UGT1A10: variants seen among roughly 807,000 people sequenced by gnomAD.
UGT1A10 encodes UDP-glucuronosyltransferase 1A10.
Under a neutral mutation model 45.8 loss-of-function variants are expected in UGT1A10, and 49 were observed. That is an observed-to-expected ratio of 1.07 (90% confidence interval 0.85 to 1.36). The LOEUF (loss-of-function observed/expected upper bound fraction) is 1.36, where lower values mean the gene tolerates loss of function less well. UGT1A10 is among the 40% of genes most tolerant of loss of function. The pLI is 0.00. For synonymous variants in UGT1A10, 284 were observed against 249.7 expected (o/e 1.14, Z -1.29); for missense variants, 745 against 668.6 (o/e 1.11, Z -1.26).
At chr2:233,748,499 T>C (rs1693956853) in intron 1 of UGT1A10, among the ~76,000 whole-genome samples, 1 of 151,838 alleles carries the variant, frequency 6.6e-6, no homozygotes, top group Admixed American at 6.5e-5. Context: ...GTGATAATTT[T>C]TAGTGGTCCT....
intron 1 of UGT1A10, among the ~76,000 whole-genome samples, chr2:233,759,051 G>A (rs1697047727): frequency 6.6e-6 from 1 of 152,170 alleles, no homozygotes; most frequent in Non-Finnish European, 1.5e-5. Context: ...GTGAACAAAA[G>A]TTCTCTGAAA....
intron 1 of UGT1A10, among the ~76,000 whole-genome samples, chr2:233,725,599 G>GT (rs1258851013): frequency 4.6e-5 from 7 of 152,142 alleles, no homozygotes; most frequent in East Asian, 3.9e-4. Context: ...ATTTGACATA[G>GT]TTTTTTCTTG....
chr2:233,672,598 C>G, intron 1 of UGT1A10: 1 of 1,613,836 alleles, frequency 6.2e-7, no homozygotes, highest in Non-Finnish European at 8.5e-7. Context: ...ATTATGCCAC[C>G]GTTTTTTCAA....
chr2:233,685,218 A>G (rs1199330018), intron 1 of UGT1A10, among the ~76,000 whole-genome samples: 5 of 152,164 alleles, frequency 3.3e-5, no homozygotes, highest in African/African-American at 4.8e-5. Context: ...TTTTTAATAG[A>G]GACGGGGTTT....
At chr2:233,723,288 C>A (rs1349811182) in intron 1 of UGT1A10, among the ~76,000 whole-genome samples, 2 of 115,626 alleles carry the variant, frequency 1.7e-5, no homozygotes, top group Non-Finnish European at 3.4e-5. Flanking sequence ...TGGCTCACTG[C>A]AACCTCTGCC....
Position 233,773,232 on chromosome 2 carries a change from G to A in UGT1A10, c.*673G>A, listed in dbSNP as rs915315951. On this transcript the variant is annotated 3_prime_UTR_variant, in exon 5 of 5. Transcript: ENST00000344644. Reference sequence around the variant, plus strand: ...ACCCAAAATACAGCTATGAAGTGCTGGGCAAGTTTACTTTTTTTCTGATGT... The same window carrying A: ...ACCCAAAATACAGCTATGAAGTGCTAGGCAAGTTTACTTTTTTTCTGATGT... The A allele has an allele frequency of 1.3e-5, 2 of 152,202 alleles. No individual in the cohort carries two copies. Among genetic ancestry groups the A allele is most frequent in the East Asian group, 3.7e-4 (2 of 5,344 alleles). The allele number at this position is 152,202 out of a possible 1,614,324, so 9.4% of individuals were successfully genotyped here. A position where few individuals can be genotyped will look rare whatever the true frequency, so the allele number is the denominator to read the frequency against.
chr2:233,738,397 G>A (rs1161112118), intron 1 of UGT1A10, among the ~76,000 whole-genome samples: 2 of 152,236 alleles, frequency 1.3e-5, no homozygotes, highest in Non-Finnish European at 2.9e-5. Context: ...AAGTGACTTG[G>A]AACTGGGTAA....
chr2:233,647,162 C>T (rs114141026), intron 1 of UGT1A10, among the ~76,000 whole-genome samples: 3,030 of 152,256 alleles, frequency 0.02, 97 homozygotes, highest in African/African-American at 0.069. Flanking sequence ...TCACGGGAAA[C>T]GCCCAGCCCC....
At chr2:233,764,847 C>G (rs1361860386) in intron 1 of UGT1A10, among the ~76,000 whole-genome samples, 2 of 147,962 alleles carry the variant, frequency 1.4e-5, no homozygotes, top group Non-Finnish European at 3.0e-5. Flanking sequence ...ATGACTCTGT[C>G]CTCCCTGACT....
At chr2:233,720,947 G>A (rs2076910008) in intron 1 of UGT1A10, among the ~76,000 whole-genome samples, 1 of 147,996 alleles carries the variant, frequency 6.8e-6, no homozygotes, top group Non-Finnish European at 1.5e-5. Context: ...CTGACCTCAT[G>A]TGATCTGCCC....
intron 1 of UGT1A10, chr2:233,738,996 C>T (rs1041933241): frequency 6.6e-6 from 1 of 152,238 alleles, no homozygotes; most frequent in African/African-American, 2.4e-5. Context: ...GACTTGGTGC[C>T]CTGTGTCCCA....
intron 1 of UGT1A10, among the ~76,000 whole-genome samples, chr2:233,661,713 T>C (rs547930478): frequency 2.8e-5 from 4 of 144,876 alleles, no homozygotes; most frequent in South Asian, 2.2e-4. Flanking sequence ...GGATTCTTTT[T>C]TTTTTTTTTA....
Position 233,637,307 on chromosome 2 carries a change from C to G in UGT1A10, c.785C>G (p.Pro262Arg), listed in dbSNP as rs144421115. The G allele has an allele frequency of 6.2e-7, 1 of 1,613,904 alleles. No individual in the cohort carries two copies. The highest frequency in any genetic ancestry group is 8.5e-7 in the Non-Finnish European group (1 of 1,179,848). The change falls in exon 1 of 5, where the codon CCC becomes CGC. Residue 262 changes from proline (P) to arginine (R), a missense_variant. Pro to Arg is a moderately radical substitution (Grantham distance 103, BLOSUM62 -2). Coordinates refer to ENST00000344644, the MANE Select transcript of UGT1A10 (RefSeq NM_019075.4). ...LLRTDFVLDYPKPVMPNMIFI... is the reference protein window; with the variant it reads ...LLRTDFVLDYRKPVMPNMIFI... ...CGAACGGACTTTGTTTTGGACTATC[C>G]CAAACCCGTGATGCCCAACATGATC... is the stretch of plus-strand genomic sequence containing the variant.
intron 1 of UGT1A10, among the ~76,000 whole-genome samples, chr2:233,638,637 A>C (rs1255634219): frequency 2.6e-5 from 4 of 152,148 alleles, no homozygotes; most frequent in Admixed American, 2.6e-4. Context: ...ATCCAGATGA[A>C]ACACCTGGTG....
chr2:233,639,564 G>A lies in UGT1A10; in HGVS notation c.855+2187G>A, dbSNP rs1823804. The stretch of plus-strand genomic sequence containing the variant: ...GTCTCATCTGTCTGATGAGAAGGAA[G>A]CATTACTTGATGATAGAGTATGTGT... On this transcript the variant is annotated intron_variant, in intron 1 of 4. Coordinates refer to ENST00000344644, the MANE Select transcript of UGT1A10 (RefSeq NM_019075.4). Among the ~76,000 whole-genome samples, 385 of 152,336 alleles carry A rather than the reference G, an allele frequency of 2.5e-3. 1 individual carries two copies. Among genetic ancestry groups the A allele is most frequent in the African/African-American group, 8.6e-3 (357 of 41,580 alleles).
At chr2:233,764,272 G>A (rs1014540651) in intron 1 of UGT1A10, among the ~76,000 whole-genome samples, 1 of 152,062 alleles carries the variant, frequency 6.6e-6, no homozygotes, top group African/African-American at 2.4e-5. Context: ...TTCACTCTTT[G>A]GTCATTCCGG....
intron 1 of UGT1A10, among the ~76,000 whole-genome samples, chr2:233,680,543 C>T (rs184094797): frequency 1.3e-5 from 2 of 152,100 alleles, no homozygotes; most frequent in Admixed American, 1.3e-4. Flanking sequence ...GAATCCCTCA[C>T]GAAATGCTCC....
At chr2:233,760,266 C>T (rs778145749) in intron 1 of UGT1A10, 17 of 1,611,888 alleles carry the variant, frequency 1.1e-5, no homozygotes, top group Non-Finnish European at 1.4e-5. Context: ...GAGGGCGAAC[C>T]TCTGGCAGGA....
chr2:233,656,917 A>G (rs1277939326), intron 1 of UGT1A10, among the ~76,000 whole-genome samples: 1 of 151,290 alleles, frequency 6.6e-6, no homozygotes, highest in African/African-American at 2.5e-5. Context: ...TCCCTTAGTT[A>G]AACATCTTTT....
Sources: allele counts gnomAD v4.1 joint callset (sites outside exome capture counted in the v4.1 genomes callset), GRCh38; gene constraint gnomAD v4.1.1; transcripts MANE v1.5; gene names NCBI Gene and HGNC (gene_info 2026-07-23, HGNC 2026-07-21).